STAG1: variants seen among roughly 807,000 people sequenced by gnomAD.
STAG1 encodes the protein cohesin subunit SA-1.
Under a neutral mutation model 170.9 loss-of-function variants are expected in STAG1, and 26 were observed. The ratio of observed to expected loss-of-function variants is 0.15; its 90% CI spans 0.11 to 0.21. STAG1 has a LOEUF of 0.21. STAG1 is among the 10% of genes least tolerant of loss of function. STAG1 has a pLI of 1.00. For synonymous variants in STAG1, 514 were observed against 497.7 expected (o/e 1.03, Z -0.44); for missense variants, 964 against 1,509.5 (o/e 0.64, Z 5.99).
intron 11 of STAG1, 48 bp from the exon 12 acceptor site, chr3:136,472,540 G>A (rs1216954656): frequency 1.5e-6 from 2 of 1,319,596 alleles, no homozygotes; most frequent in Non-Finnish European, 2.2e-6. Flanking sequence ...CAGAAAATAA[G>A]CTGGGACAGA....
At chr3:136,527,498 T>C (rs571717934) in intron 6 of STAG1, among the ~76,000 whole-genome samples, 1 of 152,278 alleles carries the variant, frequency 6.6e-6, no homozygotes, top group Non-Finnish European at 1.5e-5. Flanking sequence ...ATTCGTCCAG[T>C]CTTTTTTTGG....
intron 22 of STAG1, among the ~76,000 whole-genome samples, chr3:136,384,493 T>C (rs1200954634): frequency 7.2e-6 from 1 of 138,032 alleles, no homozygotes; most frequent in Non-Finnish European, 1.6e-5. Flanking sequence ...TTGAGGCCAG[T>C]CGTGGTGGCT....
At chr3:136,729,659 G>A (rs1407844863) in intron 1 of STAG1, among the ~76,000 whole-genome samples, 3 of 134,480 alleles carry the variant, frequency 2.2e-5, no homozygotes, top group East Asian at 2.5e-4. Flanking sequence ...TGAAACCTCC[G>A]CCTCCCAGTT....
At chr3:136,444,676 ATC>A (rs2088725656) in intron 14 of STAG1, among the ~76,000 whole-genome samples, 1 of 152,198 alleles carries the variant, frequency 6.6e-6, no homozygotes, top group African/African-American at 2.4e-5. Flanking sequence ...ATTAACTGTA[ATC>A]TGTTATATGT....
At chr3:136,653,692 G>A (rs1941287763) in intron 1 of STAG1, among the ~76,000 whole-genome samples, 1 of 152,054 alleles carries the variant, frequency 6.6e-6, no homozygotes, top group Admixed American at 6.6e-5. Flanking sequence ...AAGCTGACTG[G>A]GTCCAGAGTA....
intron 13 of STAG1, among the ~76,000 whole-genome samples, chr3:136,463,768 T>TGTGTACACAC (rs755853025): frequency 2.6e-5 from 1 of 38,590 alleles, no homozygotes; most frequent in South Asian, 9.7e-4. Context: ...TGTGTGTGTG[T>TGTGTACACAC]ATACACACAC....
chr3:136,392,879 T>G lies in STAG1; in HGVS notation c.2277+5870A>C, dbSNP rs139395543. Reference sequence around the variant, plus strand: ...TATATTACTATTTTTGTATTTCTTCTTTTATAATAAGCATATGCTGAAGTA... The same window carrying G: ...TATATTACTATTTTTGTATTTCTTCGTTTATAATAAGCATATGCTGAAGTA... On this transcript the variant is annotated intron_variant, in intron 22 of 33. Transcript: ENST00000383202. 2.8e-3 allele frequency among the ~76,000 whole-genome samples: 424 copies of G among 152,230 alleles called. 2 individuals carry two copies. The highest frequency in any genetic ancestry group is 4.4e-3 in the Non-Finnish European group (300 of 68,012).
intron 1 of STAG1, among the ~76,000 whole-genome samples, chr3:136,726,865 A>G (rs1310828708): frequency 2.6e-5 from 4 of 152,158 alleles, no homozygotes; most frequent in African/African-American, 9.7e-5. Flanking sequence ...AACCTCATGC[A>G]ACACCACTGT....
At chr3:136,413,225 A>G (rs1274814548) in intron 21 of STAG1, among the ~76,000 whole-genome samples, 1 of 148,196 alleles carries the variant, frequency 6.7e-6, no homozygotes, top group African/African-American at 2.5e-5. Context: ...ATTATATATA[A>G]TTTATATAAT....
chr3:136,445,586 A>G (rs572891557), intron 14 of STAG1, among the ~76,000 whole-genome samples: 3 of 152,342 alleles, frequency 2.0e-5, no homozygotes. Flanking sequence ...AATGAACTGT[A>G]TACTTAACAA....
intron 22 of STAG1, among the ~76,000 whole-genome samples, chr3:136,392,863 A>G (rs561075189): frequency 6.6e-6 from 1 of 151,834 alleles, no homozygotes; most frequent in South Asian, 2.1e-4. Context: ...TTATATTACT[A>G]TTTTTGTATT....
intron 23 of STAG1, among the ~76,000 whole-genome samples, chr3:136,376,225 C>T (rs1937606107): frequency 6.6e-6 from 1 of 151,060 alleles, no homozygotes; most frequent in African/African-American, 2.4e-5. Flanking sequence ...TAATACTGTA[C>T]TCTTTCACCA....
At chr3:136,682,350 G>A (rs761327862) in intron 1 of STAG1, among the ~76,000 whole-genome samples, 1 of 151,458 alleles carries the variant, frequency 6.6e-6, no homozygotes, top group Non-Finnish European at 1.5e-5. Flanking sequence ...ACTTGAACCC[G>A]GAAGGCAGAG....
At chr3:136,349,971 C>T (rs1936373681) in intron 28 of STAG1, among the ~76,000 whole-genome samples, 1 of 151,896 alleles carries the variant, frequency 6.6e-6, no homozygotes, top group Admixed American at 6.6e-5. Context: ...CCTGGCACAA[C>T]CCTATCCCTA....
chr3:136,420,785 GATTT>G (rs1559790706), intron 20 of STAG1, among the ~76,000 whole-genome samples: 1 of 152,050 alleles, frequency 6.6e-6, no homozygotes, highest in Non-Finnish European at 1.5e-5. Context: ...ACATTTACTT[GATTT>G]ATTTATTTTT....
chr3:136,637,002 G>A (rs1304045936), intron 1 of STAG1, among the ~76,000 whole-genome samples: 1 of 152,108 alleles, frequency 6.6e-6, no homozygotes, highest in Non-Finnish European at 1.5e-5. Context: ...GAGAAAACCA[G>A]AGTACCCAAA....
At position 136,596,412 on chromosome 3, in the gene STAG1, T is replaced by C. The variant is rs1032089179; in HGVS notation, c.297+7897A>G. ...AGTATTTTTAATTAAGGTACGTACATTGGTTTTTTTTCAGACATAATAATA... is the reference window on the plus strand; with the variant it reads ...AGTATTTTTAATTAAGGTACGTACACTGGTTTTTTTTCAGACATAATAATA... On this transcript the variant is annotated intron_variant, in intron 4 of 33. Coordinates refer to ENST00000383202, the MANE Select transcript of STAG1 (RefSeq NM_005862.3). 2.6e-5 allele frequency among the ~76,000 whole-genome samples: 4 copies of C among 152,164 alleles called. No homozygotes were observed. The South Asian group carries it at 6.2e-4, about 24-fold the overall frequency.
chr3:136,477,394 A>G lies in STAG1; in HGVS notation c.921T>C (p.Ile307=). ...CAATTTCTTCAATACAAATGGCTCT[A>G]ATCTCAGCAATAGCATCACTAGAGA... The part of the protein sequence containing the change: ...VHRYRDAIAE[I]RAICIEEIGV... The change falls in exon 10 of 34, where the codon ATT becomes ATC. Residue 307 remains isoleucine (I), a synonymous_variant. Transcript: ENST00000383202. 6.2e-7 allele frequency: 1 copy of G among 1,611,628 alleles called. No homozygotes were observed. The highest frequency in any genetic ancestry group is 2.2e-5 in the East Asian group (1 of 44,758).
At chr3:136,511,341 G>A (rs763010908) in intron 7 of STAG1, among the ~76,000 whole-genome samples, 2 of 152,154 alleles carry the variant, frequency 1.3e-5, no homozygotes, top group Non-Finnish European at 2.9e-5. Context: ...AAAGACACAT[G>A]GATGCACATG....
Sources: allele counts gnomAD v4.1 joint callset (sites outside exome capture counted in the v4.1 genomes callset), GRCh38; gene constraint gnomAD v4.1.1; transcripts MANE v1.5; gene names NCBI Gene and HGNC (gene_info 2026-07-23, HGNC 2026-07-21).